Variants in AKR1C8 observed in about 807,000 individuals in gnomAD.
The protein encoded by AKR1C8 is aldo-keto reductase family 1 member C-like protein 1.
the AKR1C8 span, among the ~76,000 whole-genome samples, chr10:5,153,093 T>G: frequency 6.6e-6 from 1 of 152,176 alleles, no homozygotes; most frequent in Non-Finnish European, 1.5e-5. Flanking sequence ...CGTACTTATA[T>G]GTTTCTTGCA....
At chr10:5,138,804 G>A in the AKR1C8 span, among the ~76,000 whole-genome samples, 15 of 152,054 alleles carry the variant, frequency 9.9e-5, no homozygotes, top group African/African-American at 3.6e-4. Context: ...CAACATAGGA[G>A]CAAGAGAAAT....
At chr10:5,158,567 C>T in the AKR1C8 span, 20 of 430,404 alleles carry the variant, frequency 4.6e-5, no homozygotes, top group South Asian at 2.1e-4. Flanking sequence ...GCAGAATTCC[C>T]GCCATAGGTT....
the AKR1C8 span, among the ~76,000 whole-genome samples, chr10:5,171,211 T>C: frequency 6.6e-6 from 1 of 151,730 alleles, no homozygotes; most frequent in Admixed American, 6.6e-5. Flanking sequence ...GTTAGAGCTT[T>C]ATAGCTGATT....
the AKR1C8 span, among the ~76,000 whole-genome samples, chr10:5,175,113 C>A: frequency 2.0e-5 from 2 of 102,296 alleles, no homozygotes; most frequent in African/African-American, 3.7e-5. Context: ...TGCTATCCCT[C>A]CCCCCTCCCC....
the AKR1C8 span, among the ~76,000 whole-genome samples, chr10:5,160,169 C>T: frequency 4.0e-5 from 6 of 151,832 alleles, 1 homozygote; most frequent in South Asian, 2.1e-4. Context: ...CATTACCTTG[C>T]TATGCATATA....
At chr10:5,178,143 T>G in the AKR1C8 span, among the ~76,000 whole-genome samples, 4 of 152,224 alleles carry the variant, frequency 2.6e-5, no homozygotes, top group Admixed American at 2.6e-4. Context: ...CTCTACACAC[T>G]GCTTTGAATG....
At chr10:5,119,527 G>A in the AKR1C8 span, among the ~76,000 whole-genome samples, 1 of 152,048 alleles carries the variant, frequency 6.6e-6, no homozygotes, top group Admixed American at 6.6e-5. Context: ...CATTATTTTT[G>A]TTCTCTATCT....
the AKR1C8 span, among the ~76,000 whole-genome samples, chr10:5,115,828 AC>A: frequency 6.6e-6 from 1 of 152,156 alleles, no homozygotes. Context: ...TTTTTTTAGT[AC>A]AAGTATATAC....
chr10:5,127,664 G>C, the AKR1C8 span, among the ~76,000 whole-genome samples: 1 of 143,132 alleles, frequency 7.0e-6, no homozygotes, highest in African/African-American at 2.6e-5. Context: ...GGTTGCAGCA[G>C]TGAGCCAAGA....
At chr10:5,176,452 T>C in the AKR1C8 span, among the ~76,000 whole-genome samples, 11 of 146,776 alleles carry the variant, frequency 7.5e-5, no homozygotes, top group East Asian at 1.7e-3. Flanking sequence ...GATTGACTTG[T>C]TGATGCAGGC....
the AKR1C8 span, among the ~76,000 whole-genome samples, chr10:5,166,576 G>A: frequency 6.6e-6 from 1 of 152,138 alleles, no homozygotes; most frequent in Admixed American, 6.5e-5. Flanking sequence ...GGGAAAAGTG[G>A]CTAGCCATAT....
At chr10:5,176,916 G>A in the AKR1C8 span, among the ~76,000 whole-genome samples, 460 of 152,178 alleles carry the variant, frequency 3.0e-3, 2 homozygotes, top group Middle Eastern at 0.01. Flanking sequence ...GAATCATGTC[G>A]TCTGCAAACA....
chr10:5,122,081 T>C, the AKR1C8 span: 1 of 321,456 alleles, frequency 3.1e-6, no homozygotes, highest in South Asian at 2.6e-5. Flanking sequence ...TCTGCATCAC[T>C]TAAAATTGTA....
At chr10:5,175,761 T>C in the AKR1C8 span, among the ~76,000 whole-genome samples, 4 of 152,340 alleles carry the variant, frequency 2.6e-5, no homozygotes, top group East Asian at 7.7e-4. Context: ...TTTTTTTGGC[T>C]GCATAAATGT....
chr10:5,165,296 C>T, the AKR1C8 span, among the ~76,000 whole-genome samples: 2 of 152,106 alleles, frequency 1.3e-5, no homozygotes, highest in Non-Finnish European at 2.9e-5. Flanking sequence ...ATTATAGGAA[C>T]AGCCTATTAA....
chr10:5,182,056 T>A, the AKR1C8 span, among the ~76,000 whole-genome samples: 17 of 152,292 alleles, frequency 1.1e-4, no homozygotes, highest in African/African-American at 4.1e-4. Flanking sequence ...CATTTTGTTT[T>A]TTTCAGAGTC....
chr10:5,144,416 C>A, the AKR1C8 span, among the ~76,000 whole-genome samples: 5 of 152,026 alleles, frequency 3.3e-5, no homozygotes, highest in African/African-American at 1.2e-4. Flanking sequence ...TGAAGAAAGG[C>A]ATTGGTAGCT....
the AKR1C8 span, among the ~76,000 whole-genome samples, chr10:5,152,718 G>C: frequency 1.4e-3 from 219 of 152,234 alleles, no homozygotes; most frequent in African/African-American, 4.6e-3. Flanking sequence ...GCCTTCATTT[G>C]AGGGTATTGT....
At chr10:5,139,428 A>C in the AKR1C8 span, among the ~76,000 whole-genome samples, 1 of 152,086 alleles carries the variant, frequency 6.6e-6, no homozygotes, top group African/African-American at 2.4e-5. Context: ...AACCAAAACA[A>C]CATGGTACTA....
Sources: gnomAD v4.1 joint callset for allele counts (sites outside exome capture counted in the v4.1 genomes callset) on GRCh38, gnomAD v4.1.1 for gene constraint, MANE v1.5 for transcripts, NCBI Gene and HGNC (gene_info 2026-07-23, HGNC 2026-07-21) for gene names.